Variants in SHBG observed in about 807,000 individuals in gnomAD.
SHBG encodes the protein sex hormone binding globulin.
In SHBG, 37 loss-of-function variants were observed where a neutral mutation model predicts 41.9. The observed-to-expected ratio is 0.88, with a 90% confidence interval of 0.68 to 1.16. The LOEUF (loss-of-function observed/expected upper bound fraction) is 1.16, where lower values mean the gene tolerates loss of function less well. Ranked by LOEUF, SHBG falls within the 50% of genes most tolerant of loss-of-function variation. SHBG has a pLI of 0.00. For synonymous variants in SHBG, 217 were observed against 205.8 expected (o/e 1.05, Z -0.47); for missense variants, 466 against 499.9 (o/e 0.93, Z 0.65).
intron 1 of SHBG, chr17:7,614,622 G>A (rs917949329): frequency 1.4e-5 from 10 of 738,304 alleles, no homozygotes; most frequent in Non-Finnish European, 1.9e-5. Flanking sequence ...CTCCCCGGAG[G>A]AGGAGCCGGA....
intron 1 of SHBG, chr17:7,614,400 G>T: frequency 7.5e-7 from 1 of 1,335,476 alleles, no homozygotes. Context: ...TTCCTGCTCC[G>T]GCCAGGGGAG....
chr17:7,626,722 T>A (rs770256484), upstream of SHBG: 1 of 1,613,974 alleles, frequency 6.2e-7, no homozygotes, highest in Non-Finnish European at 8.5e-7. Flanking sequence ...CTTCTTCAGG[T>A]CCTCACTTGT....
At chr17:7,627,140 T>C (rs2150962667), upstream of SHBG, 2 of 1,614,078 alleles carry the variant, frequency 1.2e-6, no homozygotes, top group East Asian at 4.5e-5. The surrounding 1 kb of genome is among the most constrained non-coding windows in gnomAD (Gnocchi z 4.8). Context: ...CAGGTGCTCT[T>C]ACCCAGTAGC....
chr17:7,620,970 AC>A (rs1296790331), intron 1 of SHBG, among the ~76,000 whole-genome samples: 2 of 151,548 alleles, frequency 1.3e-5, no homozygotes, highest in African/African-American at 4.9e-5. Context: ...ATAGCACCTG[AC>A]TGTGATCCCA....
chr17:7,633,340 C>G lies in SHBG; in HGVS notation c.1197C>G (p.Asp399Glu). The G allele has an allele frequency of 1.2e-6, 2 of 1,614,062 alleles. No individual in the cohort carries two copies. The highest frequency in any genetic ancestry group is 2.2e-5 in the South Asian group (2 of 91,076). ...SCPQSPGNGT[D>E]ASH The stretch of plus-strand genomic sequence containing the variant: ...CCCAGAGCCCAGGCAATGGCACTGA[C>G]GCTTCCCATTAAAGCTCCACCTAAG... The change falls in exon 8 of 8, where the codon GAC (aspartate) becomes GAG (glutamate). Residue 399 changes from aspartate (D) to glutamate (E), a missense_variant. By Grantham distance (45) the Asp-to-Glu change is conservative. Transcript: ENST00000380450.
chr17:7,621,120 A>ACCAGCTGCAT (rs2072087917), intron 1 of SHBG, among the ~76,000 whole-genome samples: 1 of 117,392 alleles, frequency 8.5e-6, no homozygotes, highest in Non-Finnish European at 1.9e-5. Context: ...AAAAAAAAAA[A>ACCAGCTGCAT]AAATCAAGAT....
upstream of SHBG, chr17:7,627,478 C>T: frequency 2.5e-6 from 4 of 1,606,466 alleles, no homozygotes; most frequent in Non-Finnish European, 3.4e-6. This position sits in a 1 kb window ranked among gnomAD's most constrained non-coding sequence, Gnocchi z 4.8. Context: ...GAGCAGGTTC[C>T]CAAGGCGAGC....
At chr17:7,625,887 A>G (rs368222740), upstream of SHBG, among the ~76,000 whole-genome samples, 3 of 149,170 alleles carry the variant, frequency 2.0e-5, no homozygotes, top group East Asian at 6.0e-4. Context: ...GGACAACAGC[A>G]AGACTTGATC....
In SHBG at chr17:7,630,668, G is replaced by C. The variant is rs931306324; in HGVS notation, c.204-12G>C. The C allele has an allele frequency of 6.2e-7, 1 of 1,612,602 alleles. No individual in the cohort carries two copies. Among genetic ancestry groups the C allele is most frequent in the African/African-American group, 1.3e-5 (1 of 74,862 alleles). On this transcript the variant is annotated splice_polypyrimidine_tract_variant and intron_variant, in intron 2 of 7. Coordinates refer to ENST00000380450, the MANE Select transcript of SHBG (RefSeq NM_001040.5). The surrounding 1 kb of genome is among the most constrained non-coding windows in gnomAD (Gnocchi z 4.6). ...CATGACATACACAATCTTTCCTTCT[G>C]TGTCCTTCCAGAACCTCCTCCTCCT...
upstream of SHBG, among the ~76,000 whole-genome samples, chr17:7,628,409 G>A (rs909413239): frequency 2.0e-5 from 3 of 151,070 alleles, no homozygotes; most frequent in Non-Finnish European, 2.9e-5. Context: ...AACTACAGTC[G>A]CGCACCGGCA....
intron 1 of SHBG, among the ~76,000 whole-genome samples, chr17:7,617,445 A>G (rs1241484160): frequency 1.3e-5 from 2 of 151,980 alleles, no homozygotes; most frequent in African/African-American, 4.8e-5. Flanking sequence ...TCTACTAAAA[A>G]TACAAAAATT....
upstream of SHBG, chr17:7,627,199 T>C (rs2072239757): frequency 1.9e-6 from 3 of 1,613,912 alleles, no homozygotes; most frequent in Middle Eastern, 1.6e-4. The surrounding 1 kb of genome is among the most constrained non-coding windows in gnomAD (Gnocchi z 4.8). Flanking sequence ...ATAGAAAGGA[T>C]TGTCTCCAAA....
At chr17:7,627,391 G>T, upstream of SHBG, 1 of 1,614,128 alleles carries the variant, frequency 6.2e-7, no homozygotes, top group Non-Finnish European at 8.5e-7. The surrounding 1 kb of genome is among the most constrained non-coding windows in gnomAD (Gnocchi z 4.8). Context: ...CCTGATCCGA[G>T]AGTTTTTCGA....
rs369598816 is a variant in SHBG, at chr17:7,630,526, C to T, written c.203+19C>T. ...TCACAAAGTATGGGGTTGGCCTAGC[C>T]CTTGACCCAGTCCCCTGGTTCTGCC... On this transcript the variant is annotated intron_variant, in intron 2 of 7. Coordinates refer to ENST00000380450, the MANE Select transcript of SHBG (RefSeq NM_001040.5). The surrounding 1 kb of genome is among the most constrained non-coding windows in gnomAD (Gnocchi z 4.6). 2 of 1,607,230 alleles carry T rather than the reference C, an allele frequency of 1.2e-6. No individual in the cohort carries two copies. Among genetic ancestry groups the T allele is most frequent in the Non-Finnish European group, 1.7e-6 (2 of 1,173,928 alleles).
chr17:7,631,675 C>T lies in SHBG; in HGVS notation c.642C>T (p.Leu214=). 1 of 1,614,196 alleles carries T rather than the reference C, an allele frequency of 6.2e-7. No homozygotes were observed. The highest frequency in any genetic ancestry group is 8.5e-7 in the Non-Finnish European group (1 of 1,180,024). The change falls in exon 5 of 8, where the codon CTC becomes CTT. Residue 214 remains leucine, a synonymous_variant. Transcript: ENST00000380450. Reference sequence around the variant, plus strand: ...TCTCAGCATCTGCCCCCACTAGCCTCAGAAGCTGTGATGTAGAATCAAATC... The same window carrying T: ...TCTCAGCATCTGCCCCCACTAGCCTTAGAAGCTGTGATGTAGAATCAAATC... ...AEISASAPTS[L]RSCDVESNPG...
At chr17:7,621,094 CAAAAAAAAAA>C (rs61026446) in intron 1 of SHBG, among the ~76,000 whole-genome samples, 29 of 52,296 alleles carry the variant, frequency 5.5e-4, no homozygotes, top group Middle Eastern at 0.013. Flanking sequence ...GACCCTGTCA[CAAAAAAAAAA>C]AAAAAAAAAA....
chr17:7,630,017 G>A, upstream of SHBG: 1 of 709,570 alleles, frequency 1.4e-6, no homozygotes, highest in East Asian at 2.7e-5. This position sits in a 1 kb window ranked among gnomAD's most constrained non-coding sequence, Gnocchi z 4.6. Flanking sequence ...TCTTGTGACT[G>A]GGCCCCTGGG....
upstream of SHBG, among the ~76,000 whole-genome samples, chr17:7,625,719 C>T (rs542086385): frequency 1.3e-5 from 2 of 151,832 alleles, no homozygotes; most frequent in South Asian, 2.1e-4. Context: ...GGTGAAACCC[C>T]GTCTCTACTA....
chr17:7,627,945 C>G, upstream of SHBG: 1 of 534,198 alleles, frequency 1.9e-6, no homozygotes, highest in Non-Finnish European at 3.5e-6. The surrounding 1 kb of genome is among the most constrained non-coding windows in gnomAD (Gnocchi z 4.8). Context: ...CCCCCCCAAG[C>G]CCCACCCCCG....
Sources: allele counts gnomAD v4.1 joint callset (sites outside exome capture counted in the v4.1 genomes callset), GRCh38; gene constraint gnomAD v4.1.1; non-coding constraint Gnocchi (gnomAD v3.1); transcripts MANE v1.5; gene names NCBI Gene and HGNC (gene_info 2026-07-23, HGNC 2026-07-21).